ZNF827: variants seen among roughly 807,000 people sequenced by gnomAD.
ZNF827 encodes the protein zinc finger protein 827.
In ZNF827, 13 loss-of-function variants were observed where a neutral mutation model predicts 102.4. That is an observed-to-expected ratio of 0.13 (90% CI 0.08 to 0.20). The LOEUF (loss-of-function observed/expected upper bound fraction) is 0.20. Ranked by LOEUF, ZNF827 falls within the 10% of genes least tolerant of loss-of-function variation. ZNF827 has a pLI of 1.00. For synonymous variants in ZNF827, 523 were observed against 536.2 expected (o/e 0.98, Z 0.34); for missense variants, 1,103 against 1,344.4 (o/e 0.82, Z 2.81).
chr4:145,863,205 T>G (rs1327554330), intron 5 of ZNF827, among the ~76,000 whole-genome samples: 1 of 152,192 alleles, frequency 6.6e-6, no homozygotes. Context: ...AACACTAGTT[T>G]ACACTCTTAA....
intron 7 of ZNF827, among the ~76,000 whole-genome samples, chr4:145,844,603 C>T (rs1265647565): frequency 6.6e-6 from 1 of 151,474 alleles, no homozygotes; most frequent in Non-Finnish European, 1.5e-5. Flanking sequence ...TGGCTTGAGC[C>T]TGCAAAGTGG....
At chr4:145,886,209 T>C (rs370142647) in intron 3 of ZNF827, 51 bp from the exon 4 acceptor site, 1 of 1,533,898 alleles carries the variant, frequency 6.5e-7, no homozygotes, top group African/African-American at 1.4e-5. Context: ...TTATGGAAAA[T>C]GCCTTGCTGT....
chr4:145,849,337 G>A lies in ZNF827; in HGVS notation c.2206C>T (p.Leu736Phe). 1 of 1,614,034 alleles carries A rather than the reference G, an allele frequency of 6.2e-7. No individual in the cohort carries two copies. The highest frequency in any genetic ancestry group is 8.5e-7 in the Non-Finnish European group (1 of 1,179,952). ...DISVKMASEL[L>F]FQLSEKVSKE... is the part of the protein sequence containing the mutation. ...ATAAACATACCTGACAGTTGAAAGAGGAGCTCGGAAGCCATTTTCACAGAG... is the reference window on the plus strand; with the variant it reads ...ATAAACATACCTGACAGTTGAAAGAAGAGCTCGGAAGCCATTTTCACAGAG... Residue 736 changes from leucine to phenylalanine, a missense_variant, in exon 6 of 15, where the codon CTC becomes TTC. This residue lies in a region of ZNF827 where 243 missense variants were observed against 251.6 expected (regional missense o/e 0.97). Transcript: ENST00000508784.
intron 7 of ZNF827, among the ~76,000 whole-genome samples, chr4:145,843,867 A>G (rs1745659116): frequency 6.6e-6 from 1 of 152,174 alleles, no homozygotes; most frequent in Non-Finnish European, 1.5e-5. Flanking sequence ...GAAACCAGCT[A>G]AAACCACATC....
chr4:145,911,213 G>C (rs1375095275), intron 1 of ZNF827, among the ~76,000 whole-genome samples: 1 of 152,180 alleles, frequency 6.6e-6, no homozygotes, highest in Admixed American at 6.5e-5. Context: ...AGGGGAACTT[G>C]GTATTAAAGT....
chr4:145,902,171 T>C lies in ZNF827; in HGVS notation c.1088A>G (p.Asn363Ser). The C allele has an allele frequency of 1.3e-6, 2 of 1,592,316 alleles. No individual in the cohort carries two copies. The highest frequency in any genetic ancestry group is 1.7e-6 in the Non-Finnish European group (2 of 1,171,856). The part of the protein sequence containing the change: ...VPKGRVSKPS[N>S]SASEEESGKP... Reference sequence around the variant, plus strand: ...TGAAAGAAAAGATGCCATACCTGAATTGGAGGGTTTAGAAACTCTTCCCTT... The same window carrying C: ...TGAAAGAAAAGATGCCATACCTGAACTGGAGGGTTTAGAAACTCTTCCCTT... Residue 363 changes from asparagine to serine, a missense_variant, in exon 2 of 15, where the codon AAT becomes AGT. This residue lies in a region of ZNF827 where 441 missense variants were observed against 458.6 expected (regional missense o/e 0.96). Transcript: ENST00000508784. This position sits in a 1 kb window ranked among gnomAD's most constrained non-coding sequence, Gnocchi z 4.3.
chr4:145,886,280 G>C (rs1390023578), intron 3 of ZNF827, 122 bp from the exon 4 acceptor site: 8 of 1,413,408 alleles, frequency 5.7e-6, no homozygotes, highest in Non-Finnish European at 7.4e-6. Flanking sequence ...TTGTACTGCA[G>C]AGCATTTCAC....
intron 11 of ZNF827, chr4:145,771,140 G>A (rs1296844674): frequency 1.3e-5 from 2 of 152,094 alleles, no homozygotes; most frequent in African/African-American, 2.4e-5. Context: ...CAGTTTATAG[G>A]AATACTCTAT....
intron 1 of ZNF827, among the ~76,000 whole-genome samples, chr4:145,928,395 G>A (rs1753582469): frequency 6.6e-6 from 1 of 152,188 alleles, no homozygotes; most frequent in Non-Finnish European, 1.5e-5. Flanking sequence ...CCACTGGGTT[G>A]GCTGATGGTG....
chr4:145,918,677 G>A, intron 1 of ZNF827, among the ~76,000 whole-genome samples: 1 of 152,082 alleles, frequency 6.6e-6, no homozygotes, highest in Admixed American at 6.6e-5. Context: ...AGGAAGCCTG[G>A]GGCTCTCGGG....
intron 8 of ZNF827, among the ~76,000 whole-genome samples, chr4:145,782,930 G>T (rs1328758654): frequency 6.6e-6 from 1 of 152,196 alleles, no homozygotes; most frequent in African/African-American, 2.4e-5. Context: ...CCCTATCTCA[G>T]ATTTTATCTC....
intron 4 of ZNF827, among the ~76,000 whole-genome samples, chr4:145,878,632 A>C (rs181036540): frequency 1.4e-5 from 2 of 145,384 alleles, no homozygotes; most frequent in African/African-American, 5.5e-5. Context: ...AAGGAAAGGA[A>C]AGGAAAGGAA....
intron 8 of ZNF827, among the ~76,000 whole-genome samples, chr4:145,790,934 T>C (rs1174984246): frequency 6.6e-6 from 1 of 152,248 alleles, no homozygotes; most frequent in Non-Finnish European, 1.5e-5. Context: ...GCAACAGTGG[T>C]CACAAATATT....
intron 1 of ZNF827, among the ~76,000 whole-genome samples, chr4:145,918,765 G>C (rs1272294985): frequency 6.6e-6 from 1 of 152,118 alleles, no homozygotes; most frequent in Non-Finnish European, 1.5e-5. Flanking sequence ...CTTTGTCTTT[G>C]ATCTTTTCTA....
intron 9 of ZNF827, 100 bp downstream of exon 9, chr4:145,779,274 A>G: frequency 2.1e-6 from 3 of 1,448,978 alleles, no homozygotes; most frequent in Non-Finnish European, 2.8e-6. Flanking sequence ...CATTCCCAGC[A>G]CTTCCTGTAA....
chr4:145,844,836 A>G (rs1413790684), intron 7 of ZNF827, among the ~76,000 whole-genome samples: 1 of 152,174 alleles, frequency 6.6e-6, no homozygotes. Flanking sequence ...CTCAGGTTGA[A>G]GTTTAAATGA....
intron 4 of ZNF827, 126 bp downstream of exon 4, chr4:145,885,552 T>C: frequency 7.4e-7 from 1 of 1,358,866 alleles, no homozygotes; most frequent in Non-Finnish European, 9.6e-7. Context: ...TAAAGGGACC[T>C]TGAAATCATC....
At chr4:145,781,210 A>AAAAAAG in intron 8 of ZNF827, among the ~76,000 whole-genome samples, 1 of 126,354 alleles carries the variant, frequency 7.9e-6, no homozygotes, top group Non-Finnish European at 1.6e-5. Flanking sequence ...AAAAAAAAAA[A>AAAAAAG]AAAAAAAGAA....
intron 11 of ZNF827, among the ~76,000 whole-genome samples, chr4:145,772,014 G>C (rs62345781): frequency 0.013 from 1,923 of 152,280 alleles, 15 homozygotes; most frequent in Middle Eastern, 0.034. Flanking sequence ...TACTACTTAT[G>C]GTACCATAGG....
Sources: allele counts gnomAD v4.1 joint callset (sites outside exome capture counted in the v4.1 genomes callset), GRCh38; gene constraint gnomAD v4.1.1; regional missense constraint gnomAD v4.1.1; non-coding constraint Gnocchi (gnomAD v3.1); transcripts MANE v1.5; gene names NCBI Gene and HGNC (gene_info 2026-07-23, HGNC 2026-07-21).